DOCK1: variants seen among roughly 807,000 people sequenced by gnomAD.
DOCK1 encodes dedicator of cytokinesis protein 1.
DOCK1 carries 138 observed loss-of-function variants against 262.7 expected under a neutral mutation model. The observed-to-expected ratio is 0.53, with a 90% CI of 0.46 to 0.61. The LOEUF (loss-of-function observed/expected upper bound fraction) is 0.61. Ranked by LOEUF, DOCK1 falls within the 20% of genes least tolerant of loss-of-function variation. The pLI, the probability that DOCK1 is intolerant of heterozygous loss-of-function variation, is 0.00. For missense variants in DOCK1, 1,908 were observed against 2,370.7 expected (o/e 0.80, Z 4.05); for synonymous variants, 866 against 867.4 (o/e 1.00, Z 0.03).
chr10:127,384,460 G>A (rs556163011), intron 37 of DOCK1, among the ~76,000 whole-genome samples: 5 of 152,224 alleles, frequency 3.3e-5, no homozygotes, highest in East Asian at 3.9e-4. Context: ...CTGGGGTGCC[G>A]CTCTTGGGAT....
intron 22 of DOCK1, among the ~76,000 whole-genome samples, chr10:127,055,817 A>G (rs76028924): frequency 0.014 from 2,122 of 152,302 alleles, 100 homozygotes; most frequent in East Asian, 0.081. Flanking sequence ...CTACCAGGTT[A>G]CATAGAAATG....
In DOCK1 at chr10:127,012,216, G is replaced by A. The variant is rs745642499; in HGVS notation, c.1059-16G>A. On this transcript the variant is annotated splice_polypyrimidine_tract_variant and intron_variant, in intron 11 of 51. Coordinates refer to ENST00000623213, the MANE Select transcript of DOCK1 (RefSeq NM_001290223.2). The surrounding 1 kb of genome is among the most constrained non-coding windows in gnomAD (Gnocchi z 4.0). ...CCCTTTGTCTCCTGTGGTCTTGGTC[G>A]TCCCGTGCCCTCCAGGCTCGCGTTG... The A allele has an allele frequency of 1.1e-5, 16 of 1,436,130 alleles. No homozygotes were observed. Among genetic ancestry groups the A allele is most frequent in the Admixed American group, 3.4e-5 (2 of 59,354 alleles). 89.0% of individuals were successfully genotyped at this position (1,436,130 alleles called of 1,614,324 possible).
At chr10:127,149,155 G>A (rs1448298903) in intron 27 of DOCK1, among the ~76,000 whole-genome samples, 2 of 152,134 alleles carry the variant, frequency 1.3e-5, no homozygotes, top group Non-Finnish European at 1.5e-5. Flanking sequence ...TACATCCCTT[G>A]CATAATTGTA....
At chr10:127,190,530 C>T (rs1374519756) in intron 27 of DOCK1, among the ~76,000 whole-genome samples, 3 of 101,578 alleles carry the variant, frequency 3.0e-5, no homozygotes, top group Non-Finnish European at 6.3e-5. Context: ...CTGTGAATCG[C>T]TTCATCCAAT....
chr10:127,328,277 G>T (rs552509477), intron 29 of DOCK1, among the ~76,000 whole-genome samples: 4 of 152,142 alleles, frequency 2.6e-5, no homozygotes, highest in Non-Finnish European at 5.9e-5. Flanking sequence ...TATGCTGAGC[G>T]TGAAATACCT....
At chr10:127,227,722 A>C (rs1369096997) in intron 27 of DOCK1, among the ~76,000 whole-genome samples, 1 of 152,252 alleles carries the variant, frequency 6.6e-6, no homozygotes, top group Non-Finnish European at 1.5e-5. Context: ...TTTTCCCTAC[A>C]GCCCTGAGGT....
intron 27 of DOCK1, among the ~76,000 whole-genome samples, chr10:127,216,809 A>C (rs1407022067): frequency 3.3e-5 from 5 of 152,210 alleles, no homozygotes; most frequent in Non-Finnish European, 5.9e-5. Flanking sequence ...AAAATTGCTG[A>C]TTTAATAAAC....
At chr10:126,972,454 G>C (rs1005251723) in intron 2 of DOCK1, among the ~76,000 whole-genome samples, 1 of 151,932 alleles carries the variant, frequency 6.6e-6, no homozygotes, top group African/African-American at 2.4e-5. Flanking sequence ...TATTGTTGTC[G>C]GCTTAATTTC....
At chr10:127,411,971 TA>T (rs1259484913) in intron 43 of DOCK1, among the ~76,000 whole-genome samples, 2 of 152,134 alleles carry the variant, frequency 1.3e-5, no homozygotes, top group African/African-American at 2.4e-5. Context: ...TTTATTTGTT[TA>T]TTTTTTTTGA....
intron 38 of DOCK1, among the ~76,000 whole-genome samples, chr10:127,394,591 A>G (rs766190659): frequency 1.8e-4 from 27 of 152,192 alleles, no homozygotes; most frequent in Non-Finnish European, 3.7e-4. Context: ...TGAAAATGTG[A>G]TATTAGCAGA....
intron 23 of DOCK1, among the ~76,000 whole-genome samples, chr10:127,074,843 A>G (rs1477632985): frequency 2.0e-5 from 3 of 152,166 alleles, no homozygotes; most frequent in Non-Finnish European, 2.9e-5. Flanking sequence ...TAAACATTTT[A>G]TATGATCCCT....
At chr10:127,241,274 G>A (rs141309176) in intron 27 of DOCK1, among the ~76,000 whole-genome samples, 2,367 of 152,238 alleles carry the variant, frequency 0.016, 33 homozygotes, top group African/African-American at 0.043. Flanking sequence ...AGCTGAGATC[G>A]CACCACTGCA....
At chr10:127,258,799 T>A (rs1369533409) in intron 29 of DOCK1, among the ~76,000 whole-genome samples, 1 of 152,246 alleles carries the variant, frequency 6.6e-6, no homozygotes, top group African/African-American at 2.4e-5. Flanking sequence ...CCGTTGACAC[T>A]GTTTTTGCTT....
intron 38 of DOCK1, among the ~76,000 whole-genome samples, chr10:127,398,474 T>A (rs2067044640): frequency 6.6e-6 from 1 of 152,196 alleles, no homozygotes; most frequent in South Asian, 2.1e-4. Flanking sequence ...CTCCTGCTAG[T>A]CCTGGGCCTC....
At chr10:127,085,062 C>A (rs1273696206) in intron 23 of DOCK1, among the ~76,000 whole-genome samples, 2 of 152,208 alleles carry the variant, frequency 1.3e-5, no homozygotes, top group East Asian at 3.8e-4. Context: ...TTCCTCTCAA[C>A]TCCTGGCCTC....
At chr10:127,076,380 A>T (rs1456219182) in intron 23 of DOCK1, among the ~76,000 whole-genome samples, 1 of 152,226 alleles carries the variant, frequency 6.6e-6, no homozygotes, top group Non-Finnish European at 1.5e-5. Context: ...TGGCGCCTGT[A>T]GTCCCTGCTA....
chr10:127,236,342 C>CCTCCTTCCCTCT (rs1226291970), intron 27 of DOCK1, among the ~76,000 whole-genome samples: 1 of 138,128 alleles, frequency 7.2e-6, no homozygotes, highest in South Asian at 2.6e-4. Context: ...TCTCCCCTCC[C>CCTCCTTCCCTCT]CTCCTTCCCT....
chr10:127,368,720 C>T (rs2065055267), intron 33 of DOCK1, among the ~76,000 whole-genome samples: 1 of 152,154 alleles, frequency 6.6e-6, no homozygotes, highest in African/African-American at 2.4e-5. Flanking sequence ...AGCTGACTCT[C>T]CCTGCCTCAC....
rs2069767777 is a variant in DOCK1, at chr10:127,437,451, G to A, written c.5061-1576G>A. Among the ~76,000 whole-genome samples the A allele has an allele frequency of 6.7e-6, 1 of 150,174 alleles. No homozygotes were observed. Among genetic ancestry groups the A allele is most frequent in the African/African-American group, 2.5e-5 (1 of 40,416 alleles). On this transcript the variant is annotated intron_variant, in intron 48 of 51. Coordinates refer to ENST00000623213, the MANE Select transcript of DOCK1 (RefSeq NM_001290223.2). The surrounding 1 kb of genome is among the most constrained non-coding windows in gnomAD (Gnocchi z 4.4). The stretch of plus-strand genomic sequence containing the variant: ...AATAATCAACAGTGAGCAAATCAAT[G>A]GGGAGCAAGATTGCTGCAATGACCA...
Sources: allele counts gnomAD v4.1 joint callset (sites outside exome capture counted in the v4.1 genomes callset), GRCh38; gene constraint gnomAD v4.1.1; non-coding constraint Gnocchi (gnomAD v3.1); transcripts MANE v1.5; gene names NCBI Gene and HGNC (gene_info 2026-07-23, HGNC 2026-07-21).